The following SHPRH variants were observed in gnomAD, a reference collection of about 807,000 sequenced individuals.
SHPRH encodes SNF2 histone linker PHD RING helicase.
A neutral mutation model predicts 202.5 loss-of-function variants in SHPRH; 106 were observed. The observed-to-expected ratio is 0.52, with a 90% CI of 0.45 to 0.62. The LOEUF (loss-of-function observed/expected upper bound fraction) is 0.62. SHPRH is among the 20% of genes least tolerant of loss of function. The pLI, the probability that SHPRH is intolerant of heterozygous loss-of-function variation, is 0.00. For synonymous variants in SHPRH, 729 were observed against 686.0 expected, an observed-to-expected ratio of 1.06 and a Z score of -0.98; for missense variants, 1,710 against 2,020.0, an observed-to-expected ratio of 0.85 and a Z score of 2.94.
At chr6:145,910,259 C>A (rs1783375183) in intron 25 of SHPRH, 189 bp downstream of exon 25, 2 of 582,692 alleles carry the variant, frequency 3.4e-6, no homozygotes, top group East Asian at 5.6e-5. Context: ...AATAAGTGTT[C>A]TGTGTTCCTC....
Position 145,947,452 on chromosome 6 carries a change from A to C in SHPRH, c.1212+41T>G, listed in dbSNP as rs187747408. On this transcript the variant is annotated intron_variant, in intron 6 of 29. Coordinates refer to ENST00000275233, the MANE Select transcript of SHPRH (RefSeq NM_001042683.3). ...TCAACATACGATGCTTTTCGAGAAC[A>C]TATGTCCCCTGCTTTTGCAAGCCCT... 4.0e-5 allele frequency: 64 copies of C among 1,600,118 alleles called. 1 individual carries two copies. In the East Asian group the frequency reaches 1.0e-3, roughly 25 times the overall value.
intron 11 of SHPRH, among the ~76,000 whole-genome samples, chr6:145,939,565 C>T (rs533379095): frequency 1.3e-5 from 2 of 152,182 alleles, no homozygotes; most frequent in South Asian, 4.1e-4. Context: ...CTCTGATAGT[C>T]ATGTACTCTT....
intron 2 of SHPRH, chr6:145,871,579 C>T (rs1780057980): frequency 6.6e-6 from 1 of 152,178 alleles, no homozygotes; most frequent in Admixed American, 6.6e-5. Flanking sequence ...GTTCCATGCT[C>T]ATGGATAGGA....
At chr6:145,919,297 T>A (rs370484052) in intron 22 of SHPRH, 51 bp downstream of exon 22, 27 of 1,607,802 alleles carry the variant, frequency 1.7e-5, no homozygotes, top group Middle Eastern at 1.7e-4. Context: ...GTCTTAGATA[T>A]CTGTGACATC....
At chr6:145,941,922 G>A (rs1786824885) in intron 9 of SHPRH, 48 bp from the exon 10 acceptor site, 1 of 1,593,444 alleles carries the variant, frequency 6.3e-7, no homozygotes, top group Non-Finnish European at 8.5e-7. Flanking sequence ...GCTCACTAAA[G>A]GCAATGAAAT....
chr6:145,932,972 C>CG lies in SHPRH; in HGVS notation c.3112+84_3112+85insC. The CG allele has an allele frequency of 2.7e-6, 4 of 1,468,122 alleles. No individual in the cohort carries two copies. The South Asian group carries it at 5.4e-5, about 20-fold the overall frequency. The allele number at this position is 1,468,122 out of a possible 1,614,324, so 90.9% of individuals were successfully genotyped here. On this transcript the variant is annotated intron_variant, in intron 14 of 29. Coordinates refer to ENST00000275233, the MANE Select transcript of SHPRH (RefSeq NM_001042683.3). ...TCTTTTTGGGGGAAAAATCCCCCCC[C>CG]CAAAAATCAAAATCTATTTTTTCTA...
At chr6:145,927,774 T>C (rs1417039953) in intron 14 of SHPRH, among the ~76,000 whole-genome samples, 2 of 151,980 alleles carry the variant, frequency 1.3e-5, no homozygotes, top group Non-Finnish European at 2.9e-5. Context: ...GCTATTATTG[T>C]TCTTGGTATT....
At chr6:145,864,943 T>TCACACACACACACACA (rs71552940) in intron 2 of SHPRH, among the ~76,000 whole-genome samples, 23 of 102,704 alleles carry the variant, frequency 2.2e-4, no homozygotes, top group African/African-American at 7.0e-4. Context: ...ACACACACAC[T>TCACACACACACACACA]CACACACACA....
chr6:145,929,702 C>T (rs1389969678), intron 14 of SHPRH, among the ~76,000 whole-genome samples: 4 of 152,016 alleles, frequency 2.6e-5, no homozygotes, highest in African/African-American at 9.7e-5. Flanking sequence ...ACACTGCTAG[C>T]TAAATTGAGG....
intron 28 of SHPRH, among the ~76,000 whole-genome samples, chr6:145,889,609 G>T (rs1781411620): frequency 6.6e-6 from 1 of 152,002 alleles, no homozygotes; most frequent in Admixed American, 6.6e-5. Flanking sequence ...ATCACCTTCA[G>T]GCTATGAGTA....
At position 145,940,811 on chromosome 6, in the gene SHPRH, G is replaced by C; in HGVS notation, c.2491-10C>G. 1 of 1,613,104 alleles carries C rather than the reference G, an allele frequency of 6.2e-7. No individual in the cohort carries two copies. ...GGGCCATTTCTGCAGCCTGATGAGAGGGAAAAATGAAATAAAAATGAAATC... is the reference window on the plus strand; with the variant it reads ...GGGCCATTTCTGCAGCCTGATGAGACGGAAAAATGAAATAAAAATGAAATC... On this transcript the variant is annotated splice_polypyrimidine_tract_variant and intron_variant, in intron 10 of 29. Transcript: ENST00000275233.
chr6:145,942,794 A>G (rs754037413), intron 9 of SHPRH, among the ~76,000 whole-genome samples: 8 of 152,186 alleles, frequency 5.3e-5, no homozygotes, highest in East Asian at 1.9e-4. Flanking sequence ...GGCAGATCAG[A>G]TAAGTAGCTC....
intron 26 of SHPRH, 98 bp downstream of exon 26, chr6:145,894,787 T>C: frequency 9.9e-7 from 1 of 1,007,768 alleles, no homozygotes; most frequent in South Asian, 1.8e-5. Context: ...GGAAAAAAAA[T>C]CTAAGAGTAA....
At position 145,922,852 on chromosome 6, in the gene SHPRH, G is replaced by A. The variant is rs1784538828; in HGVS notation, c.3546-16C>T. 1.3e-6 allele frequency: 2 copies of A among 1,584,054 alleles called. No homozygotes were observed. Among genetic ancestry groups the A allele is most frequent in the East Asian group, 2.3e-5 (1 of 42,912 alleles). On this transcript the variant is annotated splice_polypyrimidine_tract_variant and intron_variant, in intron 18 of 29. Transcript: ENST00000275233. ...ATCACGGAACCTGATTCCCACACCA[G>A]CACCACACACAATACAAAGAAAAGA...
At chr6:145,938,175 G>A (rs568410797) in intron 11 of SHPRH, among the ~76,000 whole-genome samples, 2 of 151,870 alleles carry the variant, frequency 1.3e-5, no homozygotes, top group South Asian at 2.1e-4. Flanking sequence ...AGTCATGAGG[G>A]TGGAACCCTC....
At chr6:145,949,376 A>T (rs938981981) in intron 4 of SHPRH, among the ~76,000 whole-genome samples, 69 of 152,070 alleles carry the variant, frequency 4.5e-4, no homozygotes, top group African/African-American at 1.6e-3. Context: ...GTGTATACAC[A>T]CCATGGAAAC....
intron 2 of SHPRH, chr6:145,877,633 CT>C (rs1780362942): frequency 6.6e-6 from 1 of 152,168 alleles, no homozygotes; most frequent in Admixed American, 6.5e-5. Context: ...TCTTTCCTTT[CT>C]TTGCAGATCC....
At chr6:145,866,042 T>C (rs918301374) in intron 2 of SHPRH, among the ~76,000 whole-genome samples, 1 of 152,374 alleles carries the variant, frequency 6.6e-6, no homozygotes, top group Middle Eastern at 3.4e-3. Context: ...ATTTTACAAC[T>C]CTTTGTTAAA....
At chr6:145,883,396 AACTTTGGCCTCTGCCAAGTACTC>A (rs1780731605), downstream of SHPRH, 1 of 152,250 alleles carries the variant, frequency 6.6e-6, no homozygotes, top group South Asian at 2.1e-4. Flanking sequence ...TGGAGATGGC[AACTTTGGCCTCTGCCAAGTACTC>A]GTGCTATTTT....
Sources: gnomAD v4.1 joint callset for allele counts (sites outside exome capture counted in the v4.1 genomes callset) on GRCh38, gnomAD v4.1.1 for gene constraint, MANE v1.5 for transcripts, NCBI Gene and HGNC (gene_info 2026-07-23, HGNC 2026-07-21) for gene names.